The following RALYL variants were observed in gnomAD, a reference collection of about 807,000 sequenced individuals.
RALYL encodes RALY RNA binding protein like, also known as RNA-binding Raly-like protein.
In RALYL, 29 loss-of-function variants were observed where a neutral mutation model predicts 35.1. The ratio of observed to expected loss-of-function variants is 0.83; its 90% CI spans 0.61 to 1.13. RALYL has a LOEUF of 1.13. RALYL is among the 50% of genes most tolerant of loss of function. The pLI is 0.00. For synonymous variants in RALYL, 120 were observed against 127.6 expected (o/e 0.94, Z 0.40); for missense variants, 359 against 360.4 (o/e 1.00, Z 0.03).
chr8:84,508,285 T>C (rs1291618836), intron 1 of RALYL, among the ~76,000 whole-genome samples: 1 of 152,130 alleles, frequency 6.6e-6, no homozygotes, highest in Non-Finnish European at 1.5e-5. Context: ...CAAACAGTGA[T>C]TGAGTTAACC....
At chr8:84,282,747 C>CGTGTGT (rs5892909) in intron 1 of RALYL, among the ~76,000 whole-genome samples, 160 of 148,786 alleles carry the variant, frequency 1.1e-3, no homozygotes, top group African/African-American at 3.6e-3. Flanking sequence ...TATGTGTATG[C>CGTGTGT]GTGTGTGTGT....
intron 1 of RALYL, among the ~76,000 whole-genome samples, chr8:84,288,200 T>TC (rs1046604035): frequency 6.6e-6 from 1 of 152,240 alleles, no homozygotes; most frequent in African/African-American, 2.4e-5. Flanking sequence ...TTGTTTTTTT[T>TC]CTGTGCCTTA....
chr8:84,531,692 T>G (rs2059285934), intron 2 of RALYL, among the ~76,000 whole-genome samples: 3 of 152,108 alleles, frequency 2.0e-5, no homozygotes, highest in Admixed American at 2.0e-4. Flanking sequence ...AGGAAATGCA[T>G]TTAATTATTT....
chr8:84,188,135 G>A (rs372355000), intron 1 of RALYL, among the ~76,000 whole-genome samples: 6 of 151,836 alleles, frequency 4.0e-5, no homozygotes, highest in East Asian at 1.9e-4. Context: ...GTTTCAAGGG[G>A]TACATGTACA....
chr8:84,400,891 T>A (rs2042823771), intron 1 of RALYL, among the ~76,000 whole-genome samples: 1 of 152,194 alleles, frequency 6.6e-6, no homozygotes, highest in African/African-American at 2.4e-5. Context: ...AATAAGGAAA[T>A]ACATTTTGTT....
chr8:84,529,242 C>A (rs879601675), intron 1 of RALYL, 57 bp from the exon 2 acceptor site: 2 of 1,521,910 alleles, frequency 1.3e-6, no homozygotes, highest in Non-Finnish European at 1.8e-6. Context: ...GATACCCATT[C>A]GATCTAATGA....
chr8:84,195,939 A>G (rs1815165786), intron 1 of RALYL, among the ~76,000 whole-genome samples: 1 of 152,236 alleles, frequency 6.6e-6, no homozygotes, highest in African/African-American at 2.4e-5. Flanking sequence ...ATGCTTTAAT[A>G]TGAAGTCTAT....
chr8:84,271,762 C>A (rs185735652), intron 1 of RALYL, among the ~76,000 whole-genome samples: 2 of 152,110 alleles, frequency 1.3e-5, no homozygotes, highest in East Asian at 3.9e-4. Context: ...TACACTATTC[C>A]ACTTACATGG....
At chr8:84,820,605 A>G (rs1441321340) in intron 4 of RALYL, among the ~76,000 whole-genome samples, 3 of 152,026 alleles carry the variant, frequency 2.0e-5, no homozygotes, top group Non-Finnish European at 4.4e-5. Flanking sequence ...TTGCATAGGT[A>G]TACATGTGCG....
intron 6 of RALYL, among the ~76,000 whole-genome samples, chr8:84,869,794 A>C (rs948756047): frequency 1.8e-4 from 27 of 152,184 alleles, no homozygotes; most frequent in Non-Finnish European, 7.4e-5. Flanking sequence ...GATTAAAATA[A>C]ATTGAAATAT....
At chr8:84,752,259 T>C (rs553778742) in intron 2 of RALYL, among the ~76,000 whole-genome samples, 3 of 152,270 alleles carry the variant, frequency 2.0e-5, no homozygotes, top group East Asian at 3.9e-4. Context: ...AGTGATGACT[T>C]AGGTTATCTG....
intron 1 of RALYL, among the ~76,000 whole-genome samples, chr8:84,452,742 T>C (rs2049645852): frequency 1.3e-5 from 2 of 152,010 alleles, no homozygotes; most frequent in African/African-American, 4.8e-5. Flanking sequence ...GAACTGTTTA[T>C]GTATTTTTGT....
chr8:84,462,257 T>C (rs2050887716), intron 1 of RALYL, among the ~76,000 whole-genome samples: 1 of 151,726 alleles, frequency 6.6e-6, no homozygotes, highest in Non-Finnish European at 1.5e-5. Context: ...TGAGATGTTC[T>C]TCAGATATTT....
chr8:84,388,692 G>T (rs1439783215), intron 1 of RALYL, among the ~76,000 whole-genome samples: 1 of 151,266 alleles, frequency 6.6e-6, no homozygotes, highest in Admixed American at 6.6e-5. Context: ...GGGGTTGTTT[G>T]TTTTTTTTCT....
At chr8:84,287,049 C>T (rs1837756735) in intron 1 of RALYL, among the ~76,000 whole-genome samples, 1 of 152,164 alleles carries the variant, frequency 6.6e-6, no homozygotes, top group Admixed American at 6.5e-5. Flanking sequence ...GCTACTGTTA[C>T]TTTCTTGCTT....
At chr8:84,677,904 T>C (rs1197903635) in intron 2 of RALYL, among the ~76,000 whole-genome samples, 1 of 152,216 alleles carries the variant, frequency 6.6e-6, no homozygotes, top group African/African-American at 2.4e-5. Context: ...TAAACTTATG[T>C]ACATCACAAG....
chr8:84,555,795 A>C (rs1303417993), intron 2 of RALYL, among the ~76,000 whole-genome samples: 2 of 152,226 alleles, frequency 1.3e-5, no homozygotes, highest in Non-Finnish European at 2.9e-5. Context: ...AACATTTTCT[A>C]AATTTAGATA....
intron 2 of RALYL, among the ~76,000 whole-genome samples, chr8:84,573,072 G>A (rs1233679492): frequency 6.6e-6 from 1 of 150,424 alleles, no homozygotes; most frequent in African/African-American, 2.4e-5. Flanking sequence ...ACCTTTTATT[G>A]TTTTTTCCTA....
intron 3 of RALYL, among the ~76,000 whole-genome samples, chr8:84,778,671 G>A (rs1817409401): frequency 6.6e-6 from 1 of 152,186 alleles, no homozygotes; most frequent in Non-Finnish European, 1.5e-5. Flanking sequence ...TGTGGGGAAT[G>A]GAAAACTGGG....
Sources: allele counts gnomAD v4.1 joint callset (sites outside exome capture counted in the v4.1 genomes callset), GRCh38; gene constraint gnomAD v4.1.1; transcripts MANE v1.5; gene names NCBI Gene and HGNC (gene_info 2026-07-23, HGNC 2026-07-21).